Variants in EPYC observed in about 807,000 individuals in gnomAD.
The protein encoded by EPYC is dermatan sulfate proteoglycan 3.
Under a neutral mutation model 30.1 loss-of-function variants are expected in EPYC, and 28 were observed. That is an observed-to-expected ratio of 0.93 (90% CI 0.69 to 1.28). EPYC has a LOEUF of 1.28. EPYC is among the 50% of genes most tolerant of loss of function. The pLI is 0.00. For synonymous variants in EPYC, 144 were observed against 141.4 expected (o/e 1.02, Z -0.13); for missense variants, 382 against 383.5 (o/e 1.00, Z 0.03).
chr12:90,968,438 C>T (rs1420225809), intron 6 of EPYC, among the ~76,000 whole-genome samples: 1 of 152,134 alleles, frequency 6.6e-6, no homozygotes, highest in East Asian at 1.9e-4. Context: ...TTGCCAGAGC[C>T]TTCAGTTTTA....
intron 2 of EPYC, among the ~76,000 whole-genome samples, chr12:90,985,243 A>G (rs979852606): frequency 6.6e-6 from 1 of 152,170 alleles, no homozygotes; most frequent in Non-Finnish European, 1.5e-5. Context: ...GAATTATTCA[A>G]TGATGTCCAC....
At chr12:90,966,259 A>T (rs1876892650) in intron 6 of EPYC, among the ~76,000 whole-genome samples, 1 of 151,984 alleles carries the variant, frequency 6.6e-6, no homozygotes, top group Non-Finnish European at 1.5e-5. Flanking sequence ...ATTGAAGATG[A>T]TGTTAGCCTG....
chr12:90,978,645 T>C (rs1336729930), intron 2 of EPYC, among the ~76,000 whole-genome samples: 2 of 152,024 alleles, frequency 1.3e-5, no homozygotes, highest in African/African-American at 4.8e-5. Flanking sequence ...GTGTACAGAG[T>C]AAATTCAAAA....
intron 2 of EPYC, among the ~76,000 whole-genome samples, chr12:90,984,917 G>A (rs765879127): frequency 1.3e-5 from 2 of 152,174 alleles, no homozygotes; most frequent in Non-Finnish European, 2.9e-5. Flanking sequence ...GATCAAAGTA[G>A]ACCTAGGGAA....
chr12:90,980,884 A>G (rs1877308985), intron 2 of EPYC, among the ~76,000 whole-genome samples: 1 of 152,142 alleles, frequency 6.6e-6, no homozygotes, highest in South Asian at 2.1e-4. Flanking sequence ...CCTAAAGTTT[A>G]AAAATATAAT....
chr12:91,003,956 T>C (rs1592634276), intron 1 of EPYC, among the ~76,000 whole-genome samples: 1 of 152,228 alleles, frequency 6.6e-6, no homozygotes, highest in Non-Finnish European at 1.5e-5. Context: ...TCCTATGCTT[T>C]CTTCAAATAA....
intron 2 of EPYC, among the ~76,000 whole-genome samples, chr12:90,985,920 C>T (rs1877437703): frequency 6.6e-6 from 1 of 152,132 alleles, no homozygotes; most frequent in African/African-American, 2.4e-5. Context: ...GTGTTAATCT[C>T]CTGTCCCACA....
intron 2 of EPYC, among the ~76,000 whole-genome samples, chr12:90,985,927 C>T (rs1211113080): frequency 6.6e-6 from 1 of 152,134 alleles, no homozygotes; most frequent in East Asian, 1.9e-4. Context: ...TCTCCTGTCC[C>T]ACACAGCTGT....
intron 3 of EPYC, among the ~76,000 whole-genome samples, chr12:90,973,761 G>A (rs1181335852): frequency 6.6e-6 from 1 of 152,102 alleles, no homozygotes; most frequent in Non-Finnish European, 1.5e-5. Context: ...TGGAATGTAT[G>A]GGACATAACA....
chr12:90,994,593 T>C (rs926300483), intron 2 of EPYC, among the ~76,000 whole-genome samples: 3 of 152,172 alleles, frequency 2.0e-5, no homozygotes, highest in African/African-American at 7.2e-5. Context: ...GCCAATAGTT[T>C]CTCCCATTAT....
intron 6 of EPYC, 137 bp from the exon 7 acceptor site, chr12:90,964,463 A>G (rs1334153806): frequency 1.8e-6 from 1 of 564,696 alleles, no homozygotes; most frequent in African/African-American, 1.9e-5. Flanking sequence ...TGTATATGCC[A>G]AGCACTTTCT....
intron 6 of EPYC, 61 bp from the exon 7 acceptor site, chr12:90,964,387 C>T (rs749599846): frequency 3.7e-5 from 47 of 1,286,142 alleles, no homozygotes; most frequent in South Asian, 1.1e-4. Context: ...TGATTGATAG[C>T]GCAGTCCACT....
chr12:90,978,774 C>T (rs903824272), intron 2 of EPYC, among the ~76,000 whole-genome samples: 1 of 151,936 alleles, frequency 6.6e-6, no homozygotes, highest in Admixed American at 6.6e-5. Flanking sequence ...TATTCTGTTC[C>T]TTACCAATGA....
intron 2 of EPYC, among the ~76,000 whole-genome samples, chr12:91,001,118 G>A (rs1008374291): frequency 6.6e-6 from 1 of 151,592 alleles, no homozygotes; most frequent in African/African-American, 2.4e-5. Flanking sequence ...TGAAATGAGG[G>A]TCAAAAGAGG....
chr12:90,963,751 G>GA lies in EPYC; in HGVS notation c.*404dup, dbSNP rs1230490630. Reference sequence around the variant, plus strand: ...ATTAGGGGAATAAACATGCTTTAGTGAAAAAAAAAGGAAGAGAAAAGTTTA... The same window carrying GA: ...ATTAGGGGAATAAACATGCTTTAGTGAAAAAAAAAAGGAAGAGAAAAGTTTA... On this transcript the variant is annotated 3_prime_UTR_variant, in exon 7 of 7. Transcript: ENST00000261172. The GA allele has an allele frequency of 8.9e-4, 132 of 149,100 alleles. No homozygotes were observed. Among genetic ancestry groups the GA allele is most frequent in the South Asian group, 8.4e-3 (40 of 4,738 alleles). The allele number at this position is 149,100 out of a possible 1,614,324, so 9.2% of individuals were successfully genotyped here.
intron 2 of EPYC, among the ~76,000 whole-genome samples, chr12:90,986,380 C>T (rs2120843702): frequency 6.6e-6 from 1 of 152,252 alleles, no homozygotes; most frequent in East Asian, 1.9e-4. Context: ...CACCCCAATT[C>T]TAGGAGTACA....
chr12:90,985,964 A>G (rs1254445672), intron 2 of EPYC, among the ~76,000 whole-genome samples: 1 of 152,146 alleles, frequency 6.6e-6, no homozygotes, highest in Non-Finnish European at 1.5e-5. Context: ...CATCTGAGGA[A>G]TCCTGGGACA....
intron 3 of EPYC, among the ~76,000 whole-genome samples, chr12:90,977,161 A>G (rs929381789): frequency 5.0e-4 from 76 of 152,248 alleles, no homozygotes; most frequent in African/African-American, 1.7e-3. Flanking sequence ...CTTGGAATAC[A>G]GAGACACTCT....
rs61925164 is a variant in EPYC at position 90,974,072 on chromosome 12, A to C, written c.341-1092T>G. The stretch of plus-strand genomic sequence containing the variant: ...CACACACACACACACACACACACAC[A>C]CCCCTACCTCTCCACCCCTTCTTCA... On this transcript the variant is annotated intron_variant, in intron 3 of 6. Coordinates refer to ENST00000261172, the MANE Select transcript of EPYC (RefSeq NM_004950.5). Among the ~76,000 whole-genome samples, 1,175 of 144,178 alleles carry C rather than the reference A, an allele frequency of 8.1e-3. 10 individuals are homozygous for C. Among genetic ancestry groups the C allele is most frequent in the Non-Finnish European group, 0.012 (766 of 66,530 alleles). The allele number at this position is 144,178 out of a possible 152,430, so 94.6% of individuals were successfully genotyped here. A position where few individuals can be genotyped will look rare whatever the true frequency, so the allele number is the denominator to read the frequency against.
Sources: allele counts gnomAD v4.1 joint callset (sites outside exome capture counted in the v4.1 genomes callset), GRCh38; gene constraint gnomAD v4.1.1; transcripts MANE v1.5; gene names NCBI Gene and HGNC (gene_info 2026-07-23, HGNC 2026-07-21).